The following CNTLN variants were observed in gnomAD, a reference collection of about 807,000 sequenced individuals.
The protein encoded by CNTLN is centlein, centrosomal protein.
Under a neutral mutation model 180.0 loss-of-function variants are expected in CNTLN, and 212 were observed. The ratio of observed to expected loss-of-function variants is 1.18; its 90% CI spans 1.05 to 1.32. The LOEUF is 1.32. CNTLN is among the 40% of genes most tolerant of loss of function. The pLI, the probability that CNTLN is intolerant of heterozygous loss-of-function variation, is 0.00. For missense variants in CNTLN, 2,095 were observed against 1,610.9 expected, an observed-to-expected ratio of 1.30 and a Z score of -5.14; for synonymous variants, 722 against 563.1, an observed-to-expected ratio of 1.28 and a Z score of -3.99.
intron 21 of CNTLN, 143 bp downstream of exon 21, chr9:17,464,766 C>T: frequency 2.1e-6 from 1 of 471,376 alleles, no homozygotes; most frequent in Non-Finnish European, 3.6e-6. Flanking sequence ...ACTCTTTGCT[C>T]TGAAAGTACA....
intron 2 of CNTLN, among the ~76,000 whole-genome samples, chr9:17,205,627 G>A (rs1414662112): frequency 6.6e-6 from 1 of 152,220 alleles, no homozygotes; most frequent in Non-Finnish European, 1.5e-5. Flanking sequence ...GAGCTATTCA[G>A]GAGGAGGCCA....
At chr9:17,327,707 C>T (rs919278758) in intron 8 of CNTLN, among the ~76,000 whole-genome samples, 1 of 151,814 alleles carries the variant, frequency 6.6e-6, no homozygotes, top group Non-Finnish European at 1.5e-5. Context: ...TAATCCCAAC[C>T]CTTTGGGAGG....
intron 25 of CNTLN, among the ~76,000 whole-genome samples, chr9:17,490,095 G>T (rs764298187): frequency 9.2e-5 from 14 of 152,130 alleles, no homozygotes; most frequent in Non-Finnish European, 1.8e-4. Flanking sequence ...AGAAAAGATA[G>T]AAATAGGAAA....
chr9:17,281,578 C>G (rs1447914886), intron 6 of CNTLN, among the ~76,000 whole-genome samples: 2 of 152,108 alleles, frequency 1.3e-5, no homozygotes, highest in Non-Finnish European at 2.9e-5. Context: ...ACGATAATGG[C>G]TTCCAGCTCC....
chr9:17,519,971 CAG>C, the CNTLN span, among the ~76,000 whole-genome samples: 1 of 152,172 alleles, frequency 6.6e-6, no homozygotes, highest in Non-Finnish European at 1.5e-5. Flanking sequence ...CCAGCCTTCT[CAG>C]AGAGTGCAGG....
intron 2 of CNTLN, among the ~76,000 whole-genome samples, chr9:17,145,915 G>A (rs371260616): frequency 8.5e-5 from 13 of 152,086 alleles, no homozygotes; most frequent in African/African-American, 2.7e-4. Context: ...TGGCACTTCA[G>A]CTGAACATAA....
chr9:17,222,984 G>T, intron 2 of CNTLN, among the ~76,000 whole-genome samples: 1 of 151,962 alleles, frequency 6.6e-6, no homozygotes, highest in East Asian at 1.9e-4. Context: ...ATAGTAGTCT[G>T]CCTTATCCAT....
chr9:17,417,373 C>G (rs1828340146), intron 18 of CNTLN, among the ~76,000 whole-genome samples: 1 of 151,942 alleles, frequency 6.6e-6, no homozygotes, highest in East Asian at 1.9e-4. Flanking sequence ...TGTTTTATAT[C>G]TCACCGTGAT....
intron 12 of CNTLN, among the ~76,000 whole-genome samples, chr9:17,352,969 C>T (rs1363557667): frequency 1.3e-5 from 2 of 152,180 alleles, no homozygotes; most frequent in Non-Finnish European, 2.9e-5. Context: ...CCTTGGTGGA[C>T]ATTTGGGTTC....
At chr9:17,135,971 T>G (rs1025003915) in intron 1 of CNTLN, among the ~76,000 whole-genome samples, 1 of 152,014 alleles carries the variant, frequency 6.6e-6, no homozygotes, top group Non-Finnish European at 1.5e-5. Context: ...TAGATGATGC[T>G]TGGTACTTGT....
At chr9:17,479,313 A>G (rs971576204) in intron 23 of CNTLN, among the ~76,000 whole-genome samples, 1 of 152,242 alleles carries the variant, frequency 6.6e-6, no homozygotes, top group African/African-American at 2.4e-5. Context: ...CAAGAGATGA[A>G]TGAATAAAGA....
chr9:17,371,855 C>T (rs1048561732), intron 13 of CNTLN, among the ~76,000 whole-genome samples: 9 of 152,030 alleles, frequency 5.9e-5, no homozygotes, highest in Non-Finnish European at 1.0e-4. Context: ...ACAATGTGCT[C>T]CTGAATGACC....
At chr9:17,391,267 T>G (rs1206376727) in intron 14 of CNTLN, among the ~76,000 whole-genome samples, 1 of 152,148 alleles carries the variant, frequency 6.6e-6, no homozygotes, top group Non-Finnish European at 1.5e-5. Flanking sequence ...ACAGGACCCC[T>G]CTGGAATGAA....
chr9:17,462,798 A>T, intron 19 of CNTLN, 118 bp from the exon 20 acceptor site: 1 of 422,970 alleles, frequency 2.4e-6, no homozygotes, highest in East Asian at 3.7e-5. Flanking sequence ...TATTCATTTT[A>T]ATTATTGTTT....
chr9:17,494,568 C>T (rs7861273), intron 25 of CNTLN, among the ~76,000 whole-genome samples: 54,627 of 151,924 alleles, frequency 0.36, 10,119 homozygotes, highest in East Asian at 0.53. Context: ...TTCCCCTTCT[C>T]TGTGTCCATA....
chr9:17,151,175 A>G (rs1818847275), intron 2 of CNTLN, among the ~76,000 whole-genome samples: 1 of 152,156 alleles, frequency 6.6e-6, no homozygotes, highest in Admixed American at 6.5e-5. Context: ...CAGAACTTCC[A>G]ATATTATGTT....
intron 16 of CNTLN, among the ~76,000 whole-genome samples, chr9:17,412,439 C>T (rs1827922050): frequency 6.6e-6 from 1 of 152,034 alleles, no homozygotes; most frequent in African/African-American, 2.4e-5. Context: ...ACAGACAGTC[C>T]CCAACTCACT....
chr9:17,263,237 C>T (rs1180821200), intron 5 of CNTLN, among the ~76,000 whole-genome samples: 2 of 139,606 alleles, frequency 1.4e-5, no homozygotes, highest in Non-Finnish European at 3.0e-5. Context: ...GTTCCCCTTC[C>T]TGTGTCCATG....
chr9:17,177,628 G>GCT (rs909966766), intron 2 of CNTLN, among the ~76,000 whole-genome samples: 3 of 152,072 alleles, frequency 2.0e-5, no homozygotes, highest in Admixed American at 1.3e-4. Flanking sequence ...CAGGAGTGAA[G>GCT]CTGCAGACCT....
Sources: allele counts gnomAD v4.1 joint callset (sites outside exome capture counted in the v4.1 genomes callset), GRCh38; gene constraint gnomAD v4.1.1; transcripts MANE v1.5; gene names NCBI Gene and HGNC (gene_info 2026-07-23, HGNC 2026-07-21).